The following SLC24A2 variants were observed in gnomAD, a reference collection of about 807,000 sequenced individuals.
SLC24A2 encodes the protein sodium/potassium/calcium exchanger 2.
In SLC24A2, 36 loss-of-function variants were observed where a neutral mutation model predicts 62.0. The ratio of observed to expected loss-of-function variants is 0.58; its 90% CI spans 0.44 to 0.77. The LOEUF is 0.77. SLC24A2 is among the 30% of genes least tolerant of loss of function. The pLI is 0.00. For missense variants in SLC24A2, 846 were observed against 817.9 expected, an observed-to-expected ratio of 1.03 and a Z score of -0.42; for synonymous variants, 358 against 294.0, an observed-to-expected ratio of 1.22 and a Z score of -2.23.
At chr9:20,291,676 C>T in the SLC24A2 span, among the ~76,000 whole-genome samples, 1 of 152,148 alleles carries the variant, frequency 6.6e-6, no homozygotes, top group Non-Finnish European at 1.5e-5. Flanking sequence ...TGTTTTGTTT[C>T]CTGGACGCTG....
At chr9:20,073,349 AC>A in the SLC24A2 span, among the ~76,000 whole-genome samples, 1 of 152,156 alleles carries the variant, frequency 6.6e-6, no homozygotes, top group African/African-American at 2.4e-5. Flanking sequence ...ATTAAGTCAG[AC>A]CCACTCAGAA....
At chr9:20,209,919 C>G in the SLC24A2 span, among the ~76,000 whole-genome samples, 1 of 152,226 alleles carries the variant, frequency 6.6e-6, no homozygotes, top group African/African-American at 2.4e-5. Flanking sequence ...CACCATCCTT[C>G]TTGACCTTGA....
rs142480390 is a variant in SLC24A2, at chr9:19,647,068, GCACACACA to G, written c.931-24777_931-24770del. ...TCTTTCCACACACACACACACGCGC[GCACACACA>G]CACACACACACACACACACACACAC... is the stretch of plus-strand genomic sequence containing the variant. On this transcript the variant is annotated intron_variant, in intron 2 of 10. Coordinates refer to ENST00000341998, the MANE Select transcript of SLC24A2 (RefSeq NM_020344.4). 3.4e-3 allele frequency among the ~76,000 whole-genome samples: 275 copies of G among 80,040 alleles called. 2 individuals are homozygous for G. The highest frequency in any genetic ancestry group is 0.019 in the South Asian group (37 of 1,910). The allele number at this position is 80,040 out of a possible 152,430, so 52.5% of individuals were successfully genotyped here.
At chr9:20,157,918 A>T in the SLC24A2 span, among the ~76,000 whole-genome samples, 4 of 151,554 alleles carry the variant, frequency 2.6e-5, no homozygotes, top group East Asian at 5.8e-4. Flanking sequence ...AATCAAATCT[A>T]AAAAAGCAAC....
the SLC24A2 span, among the ~76,000 whole-genome samples, chr9:20,105,663 A>G: frequency 6.6e-6 from 1 of 152,090 alleles, no homozygotes; most frequent in East Asian, 1.9e-4. Context: ...GAACAAAGAC[A>G]CAACATACCA....
At chr9:20,105,566 A>G in the SLC24A2 span, among the ~76,000 whole-genome samples, 1 of 152,218 alleles carries the variant, frequency 6.6e-6, no homozygotes. Context: ...ACTCAACTAC[A>G]TGGAAACTGA....
intron 1 of SLC24A2, chr9:19,788,453 C>A (rs1053978134): frequency 1.7e-5 from 16 of 962,304 alleles, no homozygotes; most frequent in Middle Eastern, 5.3e-4. Context: ...CCCAGCCGCG[C>A]CCCAACTTTG....
the SLC24A2 span, chr9:19,930,062 T>C: frequency 6.6e-6 from 1 of 152,228 alleles, no homozygotes; most frequent in Non-Finnish European, 1.5e-5. Context: ...AAAAACTTTA[T>C]AGTAACAAAG....
chr9:19,862,000 G>A, the SLC24A2 span, among the ~76,000 whole-genome samples: 1 of 152,096 alleles, frequency 6.6e-6, no homozygotes, highest in African/African-American at 2.4e-5. Flanking sequence ...TTGAGAGGAG[G>A]TAGAGAAAGA....
rs766634534 is a variant in SLC24A2 at position 19,786,745 on chromosome 9, C to A, written c.122G>T (p.Gly41Val). ...AATGGCTACCAGACCCATGAAAAGG[C>A]CTAAGACTCGAATTAACTTCAGTTT... Reference protein sequence around the residue: ...KKKLKLIRVLGLFMGLVAIST... With the variant: ...KKKLKLIRVLVLFMGLVAIST... The change falls in exon 2 of 11, where the codon GGC becomes GTC. Residue 41 changes from glycine to valine, a missense_variant. Coordinates refer to ENST00000341998, the MANE Select transcript of SLC24A2 (RefSeq NM_020344.4). This position sits in a 1 kb window ranked among gnomAD's most constrained non-coding sequence, Gnocchi z 5.0. The A allele has an allele frequency of 4.4e-6, 7 of 1,602,736 alleles. No homozygotes were observed. In the South Asian group the frequency reaches 7.8e-5, roughly 18 times the overall value.
At chr9:19,630,592 C>T (rs749928812) in intron 2 of SLC24A2, among the ~76,000 whole-genome samples, 10 of 152,074 alleles carry the variant, frequency 6.6e-5, no homozygotes, top group African/African-American at 1.9e-4. Context: ...TTCTTCACCA[C>T]GTTTTAACTT....
intron 6 of SLC24A2, among the ~76,000 whole-genome samples, chr9:19,573,716 T>C (rs1835922429): frequency 6.6e-6 from 1 of 152,174 alleles, no homozygotes; most frequent in South Asian, 2.1e-4. Context: ...TGTCTTTCAG[T>C]ATACGGCCTG....
chr9:20,205,675 C>CAAA, the SLC24A2 span, among the ~76,000 whole-genome samples: 1 of 90,658 alleles, frequency 1.1e-5, no homozygotes, highest in South Asian at 3.9e-4. Context: ...AAAAAAAAAA[C>CAAA]AAACAAAAAA....
the SLC24A2 span, among the ~76,000 whole-genome samples, chr9:20,285,165 G>T: frequency 6.6e-6 from 1 of 152,180 alleles, no homozygotes; most frequent in Non-Finnish European, 1.5e-5. Context: ...CCCTGTTACC[G>T]ACTGAATCAT....
At chr9:20,111,798 C>T in the SLC24A2 span, among the ~76,000 whole-genome samples, 1 of 152,062 alleles carries the variant, frequency 6.6e-6, no homozygotes, top group Non-Finnish European at 1.5e-5. Flanking sequence ...TCCCCATTGT[C>T]CACTGGGGGA....
At chr9:19,970,223 G>C in the SLC24A2 span, among the ~76,000 whole-genome samples, 4 of 152,144 alleles carry the variant, frequency 2.6e-5, no homozygotes, top group South Asian at 8.3e-4. Flanking sequence ...AAAGTGGAAG[G>C]GAACCCTTTC....
At chr9:19,747,810 G>A (rs1335677464) in intron 2 of SLC24A2, among the ~76,000 whole-genome samples, 2 of 152,160 alleles carry the variant, frequency 1.3e-5, no homozygotes, top group Non-Finnish European at 2.9e-5. Context: ...CTAACCATGT[G>A]ACAGGAAGTG....
chr9:20,086,871 A>G, the SLC24A2 span, among the ~76,000 whole-genome samples: 1 of 152,202 alleles, frequency 6.6e-6, no homozygotes, highest in East Asian at 1.9e-4. Context: ...TATATGCATG[A>G]GCCTTGTCTT....
At position 19,584,287 on chromosome 9, in the gene SLC24A2, A is replaced by C. The variant is rs869292253; in HGVS notation, c.1130-7265T>G. On this transcript the variant is annotated intron_variant, in intron 5 of 10. Transcript: ENST00000341998. Reference sequence around the variant, plus strand: ...ATAGCAAATAGTAAAAAAAAAAAAAAAAAAAACAAACAAAAAACAAAACAA... The same window carrying C: ...ATAGCAAATAGTAAAAAAAAAAAAACAAAAAACAAACAAAAAACAAAACAA... 5.0e-4 allele frequency among the ~76,000 whole-genome samples: 72 copies of C among 144,832 alleles called. No individual in the cohort carries two copies. The East Asian group carries it at 0.011, about 21-fold the overall frequency.
Sources: allele counts gnomAD v4.1 joint callset (sites outside exome capture counted in the v4.1 genomes callset), GRCh38; gene constraint gnomAD v4.1.1; non-coding constraint Gnocchi (gnomAD v3.1); transcripts MANE v1.5; gene names NCBI Gene and HGNC (gene_info 2026-07-23, HGNC 2026-07-21).